ATAD2B: variants seen among roughly 807,000 people sequenced by gnomAD.
ATAD2B encodes ATPase family AAA domain-containing protein 2B.
Under a neutral mutation model 167.6 loss-of-function variants are expected in ATAD2B, and 40 were observed. That is an observed-to-expected ratio of 0.24 (90% CI 0.19 to 0.31). ATAD2B has a LOEUF of 0.31. Ranked by LOEUF, ATAD2B falls within the 10% of genes least tolerant of loss-of-function variation. ATAD2B has a pLI of 1.00. For synonymous variants in ATAD2B, 579 were observed against 596.5 expected (o/e 0.97, Z 0.43); for missense variants, 1,242 against 1,757.2 (o/e 0.71, Z 5.24).
chr2:23,918,344 C>G (rs889991217), intron 1 of ATAD2B, among the ~76,000 whole-genome samples: 2 of 151,916 alleles, frequency 1.3e-5, no homozygotes, highest in African/African-American at 2.4e-5. Context: ...GCACTCCAGC[C>G]TGAGCAACAC....
intron 15 of ATAD2B, among the ~76,000 whole-genome samples, chr2:23,826,672 G>T (rs988260198): frequency 6.6e-6 from 1 of 151,992 alleles, no homozygotes; most frequent in Non-Finnish European, 1.5e-5. Context: ...CATAATGAAG[G>T]CCCACAAGAT....
chr2:23,687,909 C>T, the ATAD2B span, among the ~76,000 whole-genome samples: 4,556 of 151,748 alleles, frequency 0.03, 86 homozygotes, highest in South Asian at 0.086. Context: ...AGATGACAGT[C>T]AGACCATGAG....
intron 18 of ATAD2B, chr2:23,809,261 C>G (rs1345071110): frequency 1.3e-5 from 2 of 151,990 alleles, no homozygotes; most frequent in Non-Finnish European, 2.9e-5. Context: ...AAACTGGGAG[C>G]AAAATACTGG....
chr2:23,777,039 C>A, intron 22 of ATAD2B, among the ~76,000 whole-genome samples: 1 of 152,008 alleles, frequency 6.6e-6, no homozygotes, highest in Non-Finnish European at 1.5e-5. Context: ...TCCAATCTGA[C>A]TGATGTCCTT....
intron 1 of ATAD2B, among the ~76,000 whole-genome samples, chr2:23,925,767 T>C (rs1373100875): frequency 2.6e-5 from 4 of 152,238 alleles, no homozygotes; most frequent in Non-Finnish European, 4.4e-5. Flanking sequence ...ATGGTGTTCA[T>C]TCACCTTTTG....
intron 14 of ATAD2B, among the ~76,000 whole-genome samples, chr2:23,831,676 C>T (rs1271246262): frequency 6.6e-6 from 1 of 152,210 alleles, no homozygotes; most frequent in East Asian, 1.9e-4. Context: ...CACCCATCAG[C>T]ATGTGTGCCA....
At chr2:23,883,297 A>C (rs1698227044) in intron 6 of ATAD2B, among the ~76,000 whole-genome samples, 1 of 151,850 alleles carries the variant, frequency 6.6e-6, no homozygotes, top group Non-Finnish European at 1.5e-5. Flanking sequence ...AAAAAAAAAA[A>C]AAACCTGCCA....
At position 23,864,797 on chromosome 2, in the gene ATAD2B, GA is replaced by G; in HGVS notation, c.1304+11del. ...AGTAATAACAATAATAAACATCTATGACATTGCTTACCTTGGAGGCTGAATT... is the reference window on the plus strand; with the variant it reads ...AGTAATAACAATAATAAACATCTATGCATTGCTTACCTTGGAGGCTGAATT... On this transcript the variant is annotated intron_variant, in intron 11 of 27. Transcript: ENST00000238789. 1 of 1,299,816 alleles carries G rather than the reference GA, an allele frequency of 7.7e-7. No individual in the cohort carries two copies. Among genetic ancestry groups the G allele is most frequent in the South Asian group, 1.4e-5 (1 of 73,406 alleles). The allele number at this position is 1,299,816 out of a possible 1,614,324, so 80.5% of individuals were successfully genotyped here.
At chr2:23,834,800 C>A (rs1412365193) in intron 13 of ATAD2B, among the ~76,000 whole-genome samples, 1 of 151,992 alleles carries the variant, frequency 6.6e-6, no homozygotes, top group African/African-American at 2.4e-5. Context: ...TGCCTATAAT[C>A]CCAGCACTTT....
intron 19 of ATAD2B, among the ~76,000 whole-genome samples, chr2:23,791,769 T>C (rs926936820): frequency 2.0e-5 from 3 of 152,228 alleles, no homozygotes; most frequent in Non-Finnish European, 2.9e-5. Context: ...ATTTTGTTTA[T>C]CCTTTCAACT....
In ATAD2B at chr2:23,754,679, G is replaced by A; in HGVS notation, c.4174C>T (p.Pro1392Ser). The A allele has an allele frequency of 6.2e-7, 1 of 1,612,954 alleles. No homozygotes were observed. Among genetic ancestry groups the A allele is most frequent in the South Asian group, 1.1e-5 (1 of 91,018 alleles). ...CTCTCACGATCAACTATAAGAGGAG[G>A]CACAGGCTCAGATGGCTCTTCTGGA... ...LVPEEPSEPV[P>S]PLIVDRERLK... Residue 1392 changes from proline (P) to serine (S), a missense_variant, in exon 26 of 28, where the codon CCT (proline) becomes TCT (serine). Coordinates refer to ENST00000238789, the MANE Select transcript of ATAD2B (RefSeq NM_017552.4).
Position 23,757,928 on chromosome 2 carries a change from A to G in ATAD2B, c.3568T>C (p.Cys1190Arg), listed in dbSNP as rs1469247757. The G allele has an allele frequency of 6.2e-7, 1 of 1,612,262 alleles. No individual in the cohort carries two copies. Among genetic ancestry groups the G allele is most frequent in the East Asian group, 2.2e-5 (1 of 44,876 alleles). Residue 1190 changes from cysteine to arginine, a missense_variant, in exon 25 of 28, where the codon TGC becomes CGC. This residue lies in a region of ATAD2B where 282 missense variants were observed against 346.8 expected (regional missense o/e 0.81). Coordinates refer to ENST00000238789, the MANE Select transcript of ATAD2B (RefSeq NM_017552.4). ...GTCTCTTCTCCATTTTCCTCATGGC[A>G]GTCAGTGCTTACCTCAAACTCTCCA... ...ENGEFEVSTD[C>R]HEENGEETGD...
At chr2:23,780,235 AAGAT>A (rs1679796687) in intron 22 of ATAD2B, among the ~76,000 whole-genome samples, 1 of 151,072 alleles carries the variant, frequency 6.6e-6, no homozygotes, top group Non-Finnish European at 1.5e-5. Flanking sequence ...GCAACAGAAC[AAGAT>A]GCTGTCTCCA....
chr2:23,727,701 C>T, the ATAD2B span, among the ~76,000 whole-genome samples: 1 of 152,108 alleles, frequency 6.6e-6, no homozygotes, highest in Non-Finnish European at 1.5e-5. Context: ...CAGACTCTGG[C>T]ATATCCATAC....
At chr2:23,919,792 C>A (rs976146084) in intron 1 of ATAD2B, among the ~76,000 whole-genome samples, 1 of 149,080 alleles carries the variant, frequency 6.7e-6, no homozygotes, top group African/African-American at 2.5e-5. Context: ...TTACAGTGAG[C>A]TGAGGTCGCA....
intron 24 of ATAD2B, among the ~76,000 whole-genome samples, chr2:23,759,608 A>C (rs1676402428): frequency 6.6e-6 from 1 of 152,192 alleles, no homozygotes; most frequent in South Asian, 2.1e-4. Flanking sequence ...GGTTTCTGAA[A>C]TCATCTCCAA....
intron 1 of ATAD2B, among the ~76,000 whole-genome samples, chr2:23,925,934 G>C (rs552738507): frequency 6.6e-6 from 1 of 152,266 alleles, no homozygotes; most frequent in East Asian, 1.9e-4. Flanking sequence ...TGAGCTAGCT[G>C]GCTGGTTCCC....
In ATAD2B at chr2:23,863,374, C is replaced by A. The variant is rs905264712; in HGVS notation, c.1479+7G>T. 7 of 1,551,214 alleles carry A rather than the reference C, an allele frequency of 4.5e-6. No individual in the cohort carries two copies. In the South Asian group the frequency reaches 6.0e-5, roughly 13 times the overall value. Reference sequence around the variant, plus strand: ...AAAAGACTCTTGAATTAGATGATTTCTCTTACCTGATCAAAAAGAAGCCTA... The same window carrying A: ...AAAAGACTCTTGAATTAGATGATTTATCTTACCTGATCAAAAAGAAGCCTA... On this transcript the variant is annotated splice_region_variant and intron_variant, in intron 12 of 27. Transcript: ENST00000238789.
chr2:23,700,929 C>T, the ATAD2B span, among the ~76,000 whole-genome samples: 1 of 152,148 alleles, frequency 6.6e-6, no homozygotes, highest in East Asian at 1.9e-4. This position sits in a 1 kb window ranked among gnomAD's most constrained non-coding sequence, Gnocchi z 4.6. Flanking sequence ...CCAGTTTGTC[C>T]TCAGCCCCCA....
Sources: gnomAD v4.1 joint callset for allele counts (sites outside exome capture counted in the v4.1 genomes callset) on GRCh38, gnomAD v4.1.1 for gene constraint, gnomAD v4.1.1 regional missense constraint, Gnocchi (gnomAD v3.1) non-coding constraint, MANE v1.5 for transcripts, NCBI Gene and HGNC (gene_info 2026-07-23, HGNC 2026-07-21) for gene names.